NEDD4L: variants seen among roughly 807,000 people sequenced by gnomAD.
NEDD4L encodes the protein NEDD4 like E3 ubiquitin protein ligase, also known as E3 ubiquitin-protein ligase NEDD4-like.
In NEDD4L, 54 loss-of-function variants were observed where a neutral mutation model predicts 148.9. The ratio of observed to expected loss-of-function variants is 0.36; its 90% confidence interval spans 0.29 to 0.45. NEDD4L has a LOEUF of 0.45. NEDD4L is among the 20% of genes least tolerant of loss of function. NEDD4L has a pLI of 1.00. For synonymous variants in NEDD4L, 433 were observed against 440.7 expected, an observed-to-expected ratio of 0.98 and a Z score of 0.22; for missense variants, 856 against 1,233.8, an observed-to-expected ratio of 0.69 and a Z score of 4.59.
intron 1 of NEDD4L, among the ~76,000 whole-genome samples, chr18:58,144,088 ACT>A (rs2033845916): frequency 1.3e-5 from 2 of 149,414 alleles, no homozygotes; most frequent in African/African-American, 2.5e-5. Flanking sequence ...TTACTTCATG[ACT>A]CTGGTTATAT....
chr18:58,166,909 C>G (rs1348698504), intron 2 of NEDD4L, among the ~76,000 whole-genome samples: 1 of 152,192 alleles, frequency 6.6e-6, no homozygotes, highest in Non-Finnish European at 1.5e-5. Context: ...CTGTTCCATC[C>G]CGCACACCCC....
At chr18:58,379,773 GCCGTAACTCATGAAAGTGTCA>G (rs1191041414) in intron 24 of NEDD4L, among the ~76,000 whole-genome samples, 1 of 152,116 alleles carries the variant, frequency 6.6e-6, no homozygotes, top group African/African-American at 2.4e-5. Context: ...TGAAAGTGTC[GCCGTAACTCATGAAAGTGTCA>G]CCTGTAACGA....
chr18:58,264,290 C>T, intron 5 of NEDD4L, among the ~76,000 whole-genome samples: 1 of 152,006 alleles, frequency 6.6e-6, no homozygotes, highest in East Asian at 1.9e-4. Flanking sequence ...TGCCTCCGGC[C>T]TGCTTGCACC....
intron 2 of NEDD4L, among the ~76,000 whole-genome samples, chr18:58,242,463 C>T (rs763615451): frequency 1.4e-4 from 21 of 152,078 alleles, no homozygotes; most frequent in Non-Finnish European, 2.8e-4. Context: ...GCAATCTGGG[C>T]ACCCGTTCTC....
intron 1 of NEDD4L, among the ~76,000 whole-genome samples, chr18:58,048,604 A>G (rs1268441068): frequency 6.6e-6 from 1 of 152,212 alleles, no homozygotes; most frequent in Admixed American, 6.5e-5. Flanking sequence ...AGGTCTTACT[A>G]TCTAGATTAT....
At chr18:58,293,614 A>C (rs1652109943) in intron 5 of NEDD4L, among the ~76,000 whole-genome samples, 1 of 152,220 alleles carries the variant, frequency 6.6e-6, no homozygotes, top group African/African-American at 2.4e-5. Flanking sequence ...TTAAAGTTTT[A>C]ATTAACATAA....
At chr18:58,150,692 G>T (rs895443692) in intron 1 of NEDD4L, among the ~76,000 whole-genome samples, 9 of 152,244 alleles carry the variant, frequency 5.9e-5, no homozygotes, top group Non-Finnish European at 1.3e-4. Context: ...GACTAGGAAT[G>T]ACTTTTTCTT....
Position 58,255,334 on chromosome 18 carries a change from C to T in NEDD4L, c.297+3280C>T, listed in dbSNP as rs1345317167. The T allele has an allele frequency of 6.0e-5, 16 of 266,070 alleles. No individual in the cohort carries two copies. The East Asian group carries it at 7.6e-4, about 13-fold the overall frequency. 16.5% of individuals were successfully genotyped at this position (266,070 alleles called of 1,614,324 possible). On this transcript the variant is annotated intron_variant, in intron 5 of 30. Transcript: ENST00000400345. ...GCTGTTTAAAAAAAAAAAAAAAGAGCGAGTAGGGGAAAACTCCTCTAAGTC... is the reference window on the plus strand; with the variant it reads ...GCTGTTTAAAAAAAAAAAAAAAGAGTGAGTAGGGGAAAACTCCTCTAAGTC...
intron 1 of NEDD4L, among the ~76,000 whole-genome samples, chr18:58,147,875 C>T (rs1338886513): frequency 1.3e-5 from 2 of 152,108 alleles, no homozygotes; most frequent in Non-Finnish European, 2.9e-5. Flanking sequence ...TCTTCCAGGG[C>T]ACCTTACTGT....
Position 58,188,071 on chromosome 18 carries a change from C to T in NEDD4L, c.122+22210C>T, listed in dbSNP as rs76702098. On this transcript the variant is annotated intron_variant, in intron 2 of 30. Transcript: ENST00000400345. ...TTTGAACAAAAGCAGGACAGTGTTCCGAATGTGGAAGCAAAGAGTCCTTCC... is the reference window on the plus strand; with the variant it reads ...TTTGAACAAAAGCAGGACAGTGTTCTGAATGTGGAAGCAAAGAGTCCTTCC... Among the ~76,000 whole-genome samples, 1,172 of 152,220 alleles carry T rather than the reference C, an allele frequency of 7.7e-3. 22 individuals are homozygous for T. In the East Asian group the frequency reaches 0.08, roughly 10 times the overall value.
intron 23 of NEDD4L, among the ~76,000 whole-genome samples, chr18:58,372,842 A>AG (rs1156564372): frequency 6.9e-6 from 1 of 144,836 alleles, no homozygotes. Flanking sequence ...AAAAAAAAAA[A>AG]AAAAAGAGAG....
At chr18:58,357,540 A>G in intron 19 of NEDD4L, 1 of 585,688 alleles carries the variant, frequency 1.7e-6, no homozygotes, top group South Asian at 1.5e-5. Flanking sequence ...TATAGTCAAA[A>G]TTCCCTCCCT....
chr18:58,224,938 T>C (rs113182264), intron 2 of NEDD4L, among the ~76,000 whole-genome samples: 1,920 of 152,336 alleles, frequency 0.013, 36 homozygotes, highest in African/African-American at 0.044. Flanking sequence ...GGTGATCAGA[T>C]TGGGAAAATG....
At chr18:58,383,209 C>T (rs550235619) in intron 24 of NEDD4L, 37 bp from the exon 25 acceptor site, 12 of 1,037,838 alleles carry the variant, frequency 1.2e-5, no homozygotes, top group Middle Eastern at 2.3e-4. Context: ...AAGATAACTT[C>T]GTGATAGTAA....
chr18:58,385,575 G>A lies in NEDD4L; in HGVS notation c.2476G>A (p.Ala826Thr), dbSNP rs1254034796. ...FVNRVQKQMN[A>T]FLEGFTELLP... ...GAACAGGGTCCAGAAGCAGATGAAC[G>A]CCTTCTTGGAGGTAAGCCATGCTGG... Residue 826 changes from alanine to threonine, a missense_variant, in exon 26 of 31, where the codon GCC becomes ACC. This residue lies in a region of NEDD4L where 286 missense variants were observed against 531.8 expected (regional missense o/e 0.54). Coordinates refer to ENST00000400345, the MANE Select transcript of NEDD4L (RefSeq NM_001144967.3). 3 of 1,613,648 alleles carry A rather than the reference G, an allele frequency of 1.9e-6. No individual in the cohort carries two copies. Among genetic ancestry groups the A allele is most frequent in the East Asian group, 2.2e-5 (1 of 44,884 alleles).
intron 5 of NEDD4L, among the ~76,000 whole-genome samples, chr18:58,291,586 T>G (rs2054774020): frequency 6.6e-6 from 1 of 152,222 alleles, no homozygotes. Flanking sequence ...ACCAATTGCC[T>G]GGCATATGAC....
In NEDD4L at chr18:58,315,962, CTT is replaced by C. The variant is rs755683700; in HGVS notation, c.298-18_298-17del. 6.2e-7 allele frequency: 1 copy of C among 1,606,444 alleles called. No homozygotes were observed. The highest frequency in any genetic ancestry group is 1.1e-5 in the South Asian group (1 of 90,928). ...CAGTGAAGAAATGGAAACACTAACTCTTTGTTCTCTTCCTAACAGACACGAGA... is the reference window on the plus strand; with the variant it reads ...CAGTGAAGAAATGGAAACACTAACTCTGTTCTCTTCCTAACAGACACGAGA... On this transcript the variant is annotated intron_variant, in intron 5 of 30. Transcript: ENST00000400345.
At chr18:58,169,510 A>G (rs1031867535) in intron 2 of NEDD4L, among the ~76,000 whole-genome samples, 11 of 150,696 alleles carry the variant, frequency 7.3e-5, no homozygotes, top group Admixed American at 2.0e-4. Flanking sequence ...TATCATGGGG[A>G]AAAAAAAATG....
chr18:58,355,654 T>C (rs1326753234), intron 18 of NEDD4L, among the ~76,000 whole-genome samples: 2 of 152,230 alleles, frequency 1.3e-5, no homozygotes, highest in Non-Finnish European at 2.9e-5. Flanking sequence ...ATAGCAACTT[T>C]TACTTTCCAA....
Sources: allele counts gnomAD v4.1 joint callset (sites outside exome capture counted in the v4.1 genomes callset), GRCh38; gene constraint gnomAD v4.1.1; regional missense constraint gnomAD v4.1.1; transcripts MANE v1.5; gene names NCBI Gene and HGNC (gene_info 2026-07-23, HGNC 2026-07-21).